Variants in AK7 observed in about 807,000 individuals in gnomAD.
AK7 encodes adenylate kinase 7.
Under a neutral mutation model 96.6 loss-of-function variants are expected in AK7, and 78 were observed. The ratio of observed to expected loss-of-function variants is 0.81; its 90% CI spans 0.67 to 0.97. AK7 has a LOEUF of 0.97. Among genes scored for constraint, AK7 ranks in the 50% least tolerant of loss-of-function variants. AK7 has a pLI of 0.00. For missense variants in AK7, 855 were observed against 887.9 expected, an observed-to-expected ratio of 0.96 and a Z score of 0.47; for synonymous variants, 302 against 317.2, an observed-to-expected ratio of 0.95 and a Z score of 0.51.
intron 5 of AK7, among the ~76,000 whole-genome samples, chr14:96,430,081 A>G (rs1892259941): frequency 6.6e-6 from 1 of 151,962 alleles, no homozygotes; most frequent in South Asian, 2.1e-4. Context: ...CCCATTCAGT[A>G]TGATATTGGC....
At chr14:96,421,236 C>T (rs1891672442) in intron 5 of AK7, among the ~76,000 whole-genome samples, 1 of 152,102 alleles carries the variant, frequency 6.6e-6, no homozygotes, top group African/African-American at 2.4e-5. Context: ...TCCCTGTTCC[C>T]AGAATCTATC....
At chr14:96,461,271 A>G (rs1894234379) in intron 12 of AK7, among the ~76,000 whole-genome samples, 1 of 152,226 alleles carries the variant, frequency 6.6e-6, no homozygotes, top group Non-Finnish European at 1.5e-5. Flanking sequence ...CAACATAGCA[A>G]GACCCCCCAT....
At chr14:96,436,678 C>T (rs1431543736) in intron 5 of AK7, among the ~76,000 whole-genome samples, 1 of 152,034 alleles carries the variant, frequency 6.6e-6, no homozygotes, top group Non-Finnish European at 1.5e-5. Context: ...CAAAAAACTC[C>T]TGTCTTCTTG....
intron 4 of AK7, among the ~76,000 whole-genome samples, chr14:96,416,310 C>A (rs914396090): frequency 2.0e-5 from 3 of 151,878 alleles, no homozygotes; most frequent in African/African-American, 7.3e-5. Context: ...TTGCTTGAAG[C>A]CAGGAGGCAG....
At position 96,488,506 on chromosome 14, in the gene AK7, CTA is replaced by C. The variant is rs1249794188; in HGVS notation, c.*165_*166del. The C allele has an allele frequency of 9.1e-6, 5 of 548,494 alleles. No homozygotes were observed. The South Asian group carries it at 1.5e-4, about 16-fold the overall frequency. 34.0% of individuals were successfully genotyped at this position (548,494 alleles called of 1,614,324 possible). ...CTCTATTAAAAGCTATATGACATGA[CTA>C]TGTCATTAAAACTATATTTGAAATG... is the stretch of plus-strand genomic sequence containing the variant. On this transcript the variant is annotated 3_prime_UTR_variant, in exon 18 of 18. Coordinates refer to ENST00000267584, the MANE Select transcript of AK7 (RefSeq NM_152327.5).
intron 10 of AK7, among the ~76,000 whole-genome samples, chr14:96,453,712 C>G (rs1345547930): frequency 1.3e-5 from 2 of 152,094 alleles, no homozygotes; most frequent in African/African-American, 4.8e-5. Flanking sequence ...AATATGTGGA[C>G]TTGGAGTATT....
rs532882787 is a variant in AK7, at chr14:96,438,422, G to A, written c.690+507G>A. Among the ~76,000 whole-genome samples the A allele has an allele frequency of 4.6e-5, 7 of 152,290 alleles. No individual in the cohort carries two copies. The South Asian group carries it at 1.5e-3, about 32-fold the overall frequency. On this transcript the variant is annotated intron_variant, in intron 6 of 17. Transcript: ENST00000267584. ...GAAGGTTGAGGAAGGTCTTTCCAAC[G>A]ATGTGACATTTGAGTAGGAAGGGAA...
Position 96,420,845 on chromosome 14 carries a change from T to G in AK7, c.522T>G (p.Thr174=). Reference sequence around the variant, plus strand: ...AGGAGGATTCTGAGGTTCCATTCACTGAAGAAGATTATCGAAGAAGAAAGT... The same window carrying G: ...AGGAGGATTCTGAGGTTCCATTCACGGAAGAAGATTATCGAAGAAGAAAGT... ...LDPEDSEVPF[T]EEDYRRRKSH... The change falls in exon 5 of 18, where the codon ACT becomes ACG. Residue 174 remains threonine, a synonymous_variant. Coordinates refer to ENST00000267584, the MANE Select transcript of AK7 (RefSeq NM_152327.5). 1 of 1,612,984 alleles carries G rather than the reference T, an allele frequency of 6.2e-7. No homozygotes were observed. Among genetic ancestry groups the G allele is most frequent in the Non-Finnish European group, 8.5e-7 (1 of 1,179,086 alleles).
At chr14:96,440,543 T>A (rs1441167802) in intron 6 of AK7, among the ~76,000 whole-genome samples, 1 of 152,190 alleles carries the variant, frequency 6.6e-6, no homozygotes, top group African/African-American at 2.4e-5. Flanking sequence ...AGCTGCCTAC[T>A]CAGCACCTCA....
chr14:96,482,805 A>G (rs867574010), intron 15 of AK7, among the ~76,000 whole-genome samples, 194 bp from the exon 16 acceptor site: 2 of 152,212 alleles, frequency 1.3e-5, no homozygotes, highest in Non-Finnish European at 2.9e-5. Context: ...TTTCCTACCC[A>G]CAGCCCTCAG....
intron 12 of AK7, among the ~76,000 whole-genome samples, chr14:96,462,522 C>T (rs1177617861): frequency 6.6e-6 from 1 of 152,190 alleles, no homozygotes; most frequent in East Asian, 1.9e-4. Context: ...CCTAACTCCA[C>T]TCCCATCGGC....
intron 5 of AK7, among the ~76,000 whole-genome samples, chr14:96,432,575 C>A (rs1892413231): frequency 6.6e-6 from 1 of 152,116 alleles, no homozygotes; most frequent in Non-Finnish European, 1.5e-5. Flanking sequence ...GTAAGGCAGG[C>A]CTGGTGGTGA....
chr14:96,458,531 C>T (rs181642023), intron 12 of AK7, among the ~76,000 whole-genome samples: 1 of 151,940 alleles, frequency 6.6e-6, no homozygotes, highest in African/African-American at 2.4e-5. Flanking sequence ...CACCTGAGGT[C>T]ATGAGTTTGA....
At chr14:96,457,163 C>G (rs984880455) in intron 11 of AK7, 2 of 147,856 alleles carry the variant, frequency 1.4e-5, no homozygotes, top group Admixed American at 1.4e-4. Flanking sequence ...TGGGTTCAAG[C>G]AGTTCTCCTG....
chr14:96,474,046 G>A (rs937715652), intron 14 of AK7, among the ~76,000 whole-genome samples: 6 of 152,182 alleles, frequency 3.9e-5, no homozygotes, highest in African/African-American at 1.4e-4. Flanking sequence ...ACGTTAAAAA[G>A]TGTTGTTGTT....
chr14:96,448,921 A>AC (rs2140106755), intron 8 of AK7, among the ~76,000 whole-genome samples: 1 of 152,092 alleles, frequency 6.6e-6, no homozygotes, highest in African/African-American at 2.4e-5. Flanking sequence ...GTGCCACTGC[A>AC]CTCCAGCCTG....
intron 16 of AK7, among the ~76,000 whole-genome samples, chr14:96,486,594 CAT>C (rs984603743): frequency 8.6e-5 from 13 of 150,802 alleles, no homozygotes; most frequent in Non-Finnish European, 1.9e-4. Context: ...AAGAATTGCA[CAT>C]GTCACTATCC....
At chr14:96,484,191 A>C (rs1895656834) in intron 16 of AK7, among the ~76,000 whole-genome samples, 1 of 152,124 alleles carries the variant, frequency 6.6e-6, no homozygotes, top group Non-Finnish European at 1.5e-5. Flanking sequence ...GCCATGAGCT[A>C]TGATGATGCC....
At chr14:96,478,785 G>A in intron 15 of AK7, 123 bp downstream of exon 15, 1 of 941,698 alleles carries the variant, frequency 1.1e-6, no homozygotes, top group Non-Finnish European at 1.6e-6. Context: ...TGGGGCACAG[G>A]AAGCCATGAA....
Sources: allele counts gnomAD v4.1 joint callset (sites outside exome capture counted in the v4.1 genomes callset), GRCh38; gene constraint gnomAD v4.1.1; transcripts MANE v1.5; gene names NCBI Gene and HGNC (gene_info 2026-07-23, HGNC 2026-07-21).